EFHC1: variants seen among roughly 807,000 people sequenced by gnomAD.
The protein encoded by EFHC1 is EF-hand domain-containing protein 1.
In EFHC1, 53 loss-of-function variants were observed where a neutral mutation model predicts 69.9. The observed-to-expected ratio is 0.76, with a 90% CI of 0.61 to 0.95. The LOEUF is 0.95. EFHC1 is among the 40% of genes least tolerant of loss of function. The pLI is 0.00. For missense variants in EFHC1, 739 were observed against 798.7 expected, an observed-to-expected ratio of 0.93 and a Z score of 0.90; for synonymous variants, 256 against 278.4, an observed-to-expected ratio of 0.92 and a Z score of 0.80.
rs753029129 is a variant in EFHC1, at chr6:52,492,444, A to C, written c.*103A>C. ...GCATTTACAGGGTTCCTGAAGTTTTATTTCTGTTTTGGTTCTTCTTTCACT... is the reference window on the plus strand; with the variant it reads ...GCATTTACAGGGTTCCTGAAGTTTTCTTTCTGTTTTGGTTCTTCTTTCACT... On this transcript the variant is annotated 3_prime_UTR_variant, in exon 11 of 11. Transcript: ENST00000371068. 8.1e-7 allele frequency: 1 copy of C among 1,233,640 alleles called. No homozygotes were observed. Among genetic ancestry groups the C allele is most frequent in the Non-Finnish European group, 1.2e-6 (1 of 858,946 alleles). The allele number at this position is 1,233,640 out of a possible 1,614,324, so 76.4% of individuals were successfully genotyped here.
Position 52,420,372 on chromosome 6 carries a change from C to G in EFHC1, c.-39C>G. 6 of 1,613,998 alleles carry G rather than the reference C, an allele frequency of 3.7e-6. No individual in the cohort carries two copies. The highest frequency in any genetic ancestry group is 5.1e-6 in the Non-Finnish European group (6 of 1,179,840). On this transcript the variant is annotated 5_prime_UTR_variant, in exon 1 of 11. Coordinates refer to ENST00000371068, the MANE Select transcript of EFHC1 (RefSeq NM_018100.4). ...TTGTCGCCTGGGCAACCGGAGAGGA[C>G]GAAGCAGGACCTAGGTGGCGGCGGT...
At chr6:52,422,687 A>G (rs1275882000) in intron 1 of EFHC1, among the ~76,000 whole-genome samples, 1 of 152,152 alleles carries the variant, frequency 6.6e-6, no homozygotes, top group Non-Finnish European at 1.5e-5. Flanking sequence ...TCCTCACAAC[A>G]GAAAAAGGAA....
intron 5 of EFHC1, among the ~76,000 whole-genome samples, chr6:52,456,894 A>G (rs967264340): frequency 6.6e-6 from 1 of 152,178 alleles, no homozygotes; most frequent in Non-Finnish European, 1.5e-5. Context: ...CAGCCTGGGC[A>G]ACAGAGCAAG....
At chr6:52,438,681 A>C in intron 3 of EFHC1, 90 bp downstream of exon 3, 1 of 1,400,276 alleles carries the variant, frequency 7.1e-7, no homozygotes, top group South Asian at 1.2e-5. Context: ...TAAGGGGAGG[A>C]CATTGGTAAT....
In EFHC1 at chr6:52,490,623, C is replaced by A. The variant is rs567649213; in HGVS notation, c.1851+273C>A. 9.0e-5 allele frequency: 53 copies of A among 586,628 alleles called. 1 individual carries two copies. The East Asian group carries it at 1.4e-3, about 15-fold the overall frequency. 36.3% of individuals were successfully genotyped at this position (586,628 alleles called of 1,614,324 possible). ...ACATGTCAGGACTGAAGAAGGGCAA[C>A]AGAGACGATCCAGGAGGGGTGGCTA... On this transcript the variant is annotated intron_variant, in intron 10 of 10. Coordinates refer to ENST00000371068, the MANE Select transcript of EFHC1 (RefSeq NM_018100.4).
intron 3 of EFHC1, among the ~76,000 whole-genome samples, chr6:52,449,122 G>T (rs556720504): frequency 2.6e-5 from 4 of 152,144 alleles, no homozygotes; most frequent in Non-Finnish European, 5.9e-5. Flanking sequence ...GGTGGCTCAC[G>T]CCTGTAATCC....
In EFHC1 at chr6:52,438,308, T is replaced by C. The variant is rs1451023675; in HGVS notation, c.290T>C (p.Leu97Pro). 4.3e-6 allele frequency: 7 copies of C among 1,612,610 alleles called. No individual in the cohort carries two copies. The highest frequency in any genetic ancestry group is 5.1e-6 in the Non-Finnish European group (6 of 1,179,414). ...PAHVAFDKKV[L>P]KFDAYFQEDV... is the part of the protein sequence containing the mutation. Reference sequence around the variant, plus strand: ...TCCTTTCCTTGTATGTTATAGGTACTGAAATTTGATGCCTATTTCCAAGAA... The same window carrying C: ...TCCTTTCCTTGTATGTTATAGGTACCGAAATTTGATGCCTATTTCCAAGAA... Residue 97 changes from leucine (L) to proline (P), a missense_variant, in exon 3 of 11, where the codon CTG becomes CCG. Coordinates refer to ENST00000371068, the MANE Select transcript of EFHC1 (RefSeq NM_018100.4).
In EFHC1 at chr6:52,438,524, A is replaced by G. The variant is rs756609412; in HGVS notation, c.506A>G (p.Asn169Ser). The G allele has an allele frequency of 6.2e-7, 1 of 1,614,106 alleles. No homozygotes were observed. Among genetic ancestry groups the G allele is most frequent in the Admixed American group, 1.7e-5 (1 of 59,996 alleles). ...GACCATTACCATTGGAAAGACCTAA[A>G]TCGAGGAATAAACATCACAATTTAT... ...RGDHYHWKDL[N>S]RGINITIYGK... The change falls in exon 3 of 11, where the codon AAT (asparagine) becomes AGT (serine). Residue 169 changes from asparagine to serine, a missense_variant. Coordinates refer to ENST00000371068, the MANE Select transcript of EFHC1 (RefSeq NM_018100.4).
intron 2 of EFHC1, among the ~76,000 whole-genome samples, chr6:52,437,165 A>G (rs1399849818): frequency 6.6e-6 from 1 of 152,222 alleles, no homozygotes; most frequent in African/African-American, 2.4e-5. Flanking sequence ...TGTGAAAGTC[A>G]TTCATATAAA....
chr6:52,472,167 A>G (rs914684754), intron 7 of EFHC1, among the ~76,000 whole-genome samples: 4 of 152,158 alleles, frequency 2.6e-5, no homozygotes, highest in East Asian at 1.9e-4. Context: ...GAAAGAAAAC[A>G]AAACTTTTAA....
chr6:52,443,638 T>C (rs556456601), intron 3 of EFHC1, among the ~76,000 whole-genome samples: 3 of 152,308 alleles, frequency 2.0e-5, no homozygotes, highest in African/African-American at 7.2e-5. Flanking sequence ...TTCTGTTCCA[T>C]TGGTCTATAT....
Position 52,449,352 on chromosome 6 carries a change from G to A in EFHC1, c.574-3336G>A, listed in dbSNP as rs1764864684. Among the ~76,000 whole-genome samples the A allele has an allele frequency of 2.0e-5, 3 of 149,346 alleles. No individual in the cohort carries two copies. The South Asian group carries it at 6.3e-4, about 31-fold the overall frequency. On this transcript the variant is annotated intron_variant, in intron 3 of 10. Transcript: ENST00000371068. ...GCCGAGATTGTGCCACTGCACTCCA[G>A]TCTGGGCGACAGAGCAAGACTCCAT...
At chr6:52,423,788 G>A (rs62407871) in intron 1 of EFHC1, 158 bp from the exon 2 acceptor site, 4 of 1,529,866 alleles carry the variant, frequency 2.6e-6, no homozygotes, top group African/African-American at 1.4e-5. Context: ...TTATAGGCAC[G>A]AGCCACCATG....
intron 7 of EFHC1, among the ~76,000 whole-genome samples, chr6:52,472,256 A>C (rs545404666): frequency 2.6e-5 from 4 of 152,324 alleles, no homozygotes; most frequent in Middle Eastern, 3.4e-3. Context: ...CAGCTTACTT[A>C]GTGATGAAAT....
intron 3 of EFHC1, among the ~76,000 whole-genome samples, chr6:52,446,970 C>G (rs1018127513): frequency 2.0e-5 from 3 of 152,162 alleles, no homozygotes; most frequent in Admixed American, 2.0e-4. Context: ...GTAACCCGAA[C>G]TTTCTCTCTG....
At chr6:52,469,590 AACCATTGTATCT>A in intron 7 of EFHC1, 117 bp downstream of exon 7, 1 of 1,448,790 alleles carries the variant, frequency 6.9e-7, no homozygotes, top group Non-Finnish European at 9.5e-7. Context: ...TGACTCAACC[AACCATTGTATCT>A]AGTACCCAGC....
chr6:52,425,369 A>G (rs530144723), intron 2 of EFHC1, among the ~76,000 whole-genome samples: 1 of 152,340 alleles, frequency 6.6e-6, no homozygotes, highest in African/African-American at 2.4e-5. Flanking sequence ...ATAATTACCA[A>G]GATATGAATC....
At chr6:52,441,916 T>C (rs1355780787) in intron 3 of EFHC1, among the ~76,000 whole-genome samples, 4 of 152,170 alleles carry the variant, frequency 2.6e-5, no homozygotes, top group Non-Finnish European at 5.9e-5. Context: ...GTTGTTGGTG[T>C]ATAGGAGTGC....
At chr6:52,435,416 A>G (rs1764509812) in intron 2 of EFHC1, among the ~76,000 whole-genome samples, 1 of 152,210 alleles carries the variant, frequency 6.6e-6, no homozygotes, top group Admixed American at 6.5e-5. Flanking sequence ...CCCCTGCAGT[A>G]TACAACTTGT....
Sources: allele counts gnomAD v4.1 joint callset (sites outside exome capture counted in the v4.1 genomes callset), GRCh38; gene constraint gnomAD v4.1.1; transcripts MANE v1.5; gene names NCBI Gene and HGNC (gene_info 2026-07-23, HGNC 2026-07-21).